The following ZNF385D variants were observed in gnomAD, a reference collection of about 807,000 sequenced individuals.
ZNF385D encodes the protein zinc finger protein 659.
ZNF385D carries 15 observed loss-of-function variants against 35.8 expected under a neutral mutation model. That is an observed-to-expected ratio of 0.42 (90% CI 0.28 to 0.64). ZNF385D has a LOEUF of 0.64. Among genes scored for constraint, ZNF385D ranks in the 30% least tolerant of loss-of-function variants. ZNF385D has a pLI of 0.23. For missense variants in ZNF385D, 474 were observed against 494.6 expected (o/e 0.96, Z 0.39); for synonymous variants, 212 against 186.8 (o/e 1.13, Z -1.10).
Position 21,418,515 on chromosome 3 carries a change from G to T in ZNF385D, c.*2699C>A, listed in dbSNP as rs1445468843. The T allele has an allele frequency of 2.6e-5, 4 of 152,120 alleles. No homozygotes were observed. Among genetic ancestry groups the T allele is most frequent in the African/African-American group, 9.7e-5 (4 of 41,434 alleles). 9.4% of individuals were successfully genotyped at this position (152,120 alleles called of 1,614,324 possible). A position where few individuals can be genotyped will look rare whatever the true frequency, so the allele number is the denominator to read the frequency against. ...TTAAAAGACCATTTAAACAAAAATG[G>T]TTCCATAGCGAAGTGAGGCAGAAGG... On this transcript the variant is annotated 3_prime_UTR_variant, in exon 8 of 8. Transcript: ENST00000281523.
At chr3:22,228,692 T>C (rs556990110) in intron 2 of ZNF385D, among the ~76,000 whole-genome samples, 2 of 152,198 alleles carry the variant, frequency 1.3e-5, no homozygotes, top group African/African-American at 4.8e-5. Flanking sequence ...TCAAAGGAGA[T>C]TAACATTTGA....
At chr3:21,915,918 A>G (rs7633337) in intron 3 of ZNF385D, among the ~76,000 whole-genome samples, 12,849 of 152,180 alleles carry the variant, frequency 0.084, 1,714 homozygotes, top group African/African-American at 0.28. Flanking sequence ...TACCATGGCT[A>G]TGGCTCTTAT....
At chr3:21,730,859 C>T (rs2068963036) in intron 1 of ZNF385D, among the ~76,000 whole-genome samples, 1 of 152,116 alleles carries the variant, frequency 6.6e-6, no homozygotes, top group African/African-American at 2.4e-5. Flanking sequence ...TACAGATATG[C>T]TTATTTTGGT....
At chr3:21,495,761 G>T (rs1341678789) in intron 4 of ZNF385D, among the ~76,000 whole-genome samples, 6 of 152,030 alleles carry the variant, frequency 3.9e-5, no homozygotes. Flanking sequence ...AAATCCAGGA[G>T]TTGGCTTTTT....
intron 2 of ZNF385D, among the ~76,000 whole-genome samples, chr3:22,206,319 T>C (rs1180299421): frequency 6.6e-6 from 1 of 151,930 alleles, no homozygotes. Flanking sequence ...TAGACCCTAA[T>C]ACAATAGCCG....
chr3:21,899,979 TTTAAG>T, intron 3 of ZNF385D, among the ~76,000 whole-genome samples: 1 of 152,212 alleles, frequency 6.6e-6, no homozygotes, highest in Middle Eastern at 3.4e-3. Context: ...GGTGACACGG[TTTAAG>T]TTAAGTGGTT....
At chr3:21,424,317 A>ATATATTTT (rs1221923155) in intron 6 of ZNF385D, among the ~76,000 whole-genome samples, 11 of 63,812 alleles carry the variant, frequency 1.7e-4, no homozygotes, top group African/African-American at 6.1e-4. Flanking sequence ...ATATATATAT[A>ATATATTTT]TTTTTTTTTT....
At chr3:21,428,195 A>C (rs73145210) in intron 5 of ZNF385D, among the ~76,000 whole-genome samples, 1,771 of 152,258 alleles carry the variant, frequency 0.012, 29 homozygotes, top group African/African-American at 0.04. Flanking sequence ...AATGTGCATT[A>C]ATAATATAAA....
At chr3:22,332,070 A>G (rs868806992) in intron 2 of ZNF385D, among the ~76,000 whole-genome samples, 5 of 152,278 alleles carry the variant, frequency 3.3e-5, no homozygotes, top group Admixed American at 6.5e-5. Flanking sequence ...ATCAAGTTGA[A>G]CCAGTTGTTA....
At chr3:22,174,959 A>G (rs1202352134) in intron 2 of ZNF385D, among the ~76,000 whole-genome samples, 7 of 152,088 alleles carry the variant, frequency 4.6e-5, no homozygotes, top group Non-Finnish European at 8.8e-5. Flanking sequence ...GTTTTGCTCA[A>G]AAAAACTTAT....
At chr3:21,425,707 G>A (rs2125199607) in intron 5 of ZNF385D, 37 bp from the exon 6 acceptor site, 2 of 1,472,816 alleles carry the variant, frequency 1.4e-6, no homozygotes, top group East Asian at 2.5e-5. Context: ...GGAAAGGAGG[G>A]AGGAAAGAAG....
rs541099438 is a variant in ZNF385D at position 22,129,535 on chromosome 3, G to A, written c.325+39282C>T. On this transcript the variant is annotated intron_variant, in intron 3 of 5. Transcript: ENST00000494108. ...TTTACTGGGGTTGAGCTAATACTCA[G>A]GTTGCAAGACAGAATCCTCTTTACT... 6.6e-5 allele frequency among the ~76,000 whole-genome samples: 10 copies of A among 152,154 alleles called. No individual in the cohort carries two copies. The South Asian group carries it at 1.7e-3, about 25-fold the overall frequency.
At chr3:22,040,613 T>C (rs1487189115) in intron 3 of ZNF385D, among the ~76,000 whole-genome samples, 3 of 152,170 alleles carry the variant, frequency 2.0e-5, no homozygotes, top group Non-Finnish European at 2.9e-5. Flanking sequence ...TCTCAGATGG[T>C]ATGATGGTAT....
chr3:21,497,183 A>G (rs1705968813), intron 4 of ZNF385D, among the ~76,000 whole-genome samples: 1 of 152,154 alleles, frequency 6.6e-6, no homozygotes, highest in South Asian at 2.1e-4. Flanking sequence ...CCTAGATCTA[A>G]CAACAACTTC....
intron 3 of ZNF385D, among the ~76,000 whole-genome samples, chr3:22,139,197 G>A (rs1026498248): frequency 1.4e-4 from 22 of 152,274 alleles, no homozygotes; most frequent in African/African-American, 5.1e-4. Flanking sequence ...CATTGTGGAA[G>A]TCGGTGTGGC....
chr3:21,757,737 T>C (rs559369484), intron 3 of ZNF385D, among the ~76,000 whole-genome samples: 2 of 152,340 alleles, frequency 1.3e-5, no homozygotes, highest in East Asian at 3.9e-4. Flanking sequence ...CTTTCACCTT[T>C]ATCTCATACA....
At chr3:22,268,348 A>C (rs1182177108) in intron 2 of ZNF385D, among the ~76,000 whole-genome samples, 2 of 152,028 alleles carry the variant, frequency 1.3e-5, no homozygotes, top group African/African-American at 2.4e-5. Flanking sequence ...TTTCTTCCAT[A>C]ATGTTTAATT....
chr3:21,495,245 A>G (rs931977407), intron 4 of ZNF385D, among the ~76,000 whole-genome samples: 8 of 152,058 alleles, frequency 5.3e-5, no homozygotes, highest in African/African-American at 1.9e-4. Context: ...TTTTCCCACA[A>G]ACTCTTCTAC....
intron 1 of ZNF385D, among the ~76,000 whole-genome samples, chr3:21,750,268 C>G (rs1438738341): frequency 6.6e-6 from 1 of 152,216 alleles, no homozygotes; most frequent in African/African-American, 2.4e-5. Flanking sequence ...GAAAACCTAA[C>G]TGAGGTTTCT....
Sources: gnomAD v4.1 joint callset for allele counts (sites outside exome capture counted in the v4.1 genomes callset) on GRCh38, gnomAD v4.1.1 for gene constraint, MANE v1.5 for transcripts, NCBI Gene and HGNC (gene_info 2026-07-23, HGNC 2026-07-21) for gene names.